KLHL2: variants seen among roughly 807,000 people sequenced by gnomAD.
KLHL2 encodes the protein kelch-like protein 2.
KLHL2 carries 15 observed loss-of-function variants against 75.8 expected under a neutral mutation model. That is an observed-to-expected ratio of 0.20 (90% CI 0.13 to 0.30). The LOEUF is 0.30. Among genes scored for constraint, KLHL2 ranks in the 10% least tolerant of loss-of-function variants. The pLI, the probability that KLHL2 is intolerant of heterozygous loss-of-function variation, is 1.00. For synonymous variants in KLHL2, 214 were observed against 251.9 expected (o/e 0.85, Z 1.42); for missense variants, 381 against 741.0 (o/e 0.51, Z 5.64).
chr4:165,274,014 A>G (rs1742884579), intron 5 of KLHL2, among the ~76,000 whole-genome samples: 1 of 152,234 alleles, frequency 6.6e-6, no homozygotes, highest in Admixed American at 6.5e-5. Flanking sequence ...ATAGCTTGTG[A>G]AGAACTCCAA....
intron 9 of KLHL2, among the ~76,000 whole-genome samples, chr4:165,309,604 G>C (rs927049742): frequency 2.6e-5 from 4 of 152,184 alleles, no homozygotes; most frequent in African/African-American, 4.8e-5. Flanking sequence ...GTAAATGAAT[G>C]AGTGTGGCAG....
intron 2 of KLHL2, among the ~76,000 whole-genome samples, chr4:165,225,523 TA>T (rs1180388147): frequency 9.2e-5 from 14 of 152,202 alleles, no homozygotes; most frequent in Non-Finnish European, 1.9e-4. Context: ...AGATTTCAAG[TA>T]ATAGGAACAT....
At chr4:165,309,220 C>CATAGATGTATTGAAGTACAAAT (rs1166140292) in intron 9 of KLHL2, among the ~76,000 whole-genome samples, 1 of 152,136 alleles carries the variant, frequency 6.6e-6, no homozygotes, top group Admixed American at 6.5e-5. Context: ...CTGAAGTACA[C>CATAGATGTATTGAAGTACAAAT]AACATAGATG....
At chr4:165,300,741 G>T (rs1417681015) in intron 8 of KLHL2, among the ~76,000 whole-genome samples, 1 of 152,086 alleles carries the variant, frequency 6.6e-6, no homozygotes, top group African/African-American at 2.4e-5. Context: ...CTTTATTTAT[G>T]TATTTATTTT....
chr4:165,254,555 G>A (rs1173420712), intron 4 of KLHL2, among the ~76,000 whole-genome samples: 8 of 152,162 alleles, frequency 5.3e-5, no homozygotes, highest in Non-Finnish European at 1.2e-4. Flanking sequence ...TTCTAAGACA[G>A]TTGATTAGTT....
intron 3 of KLHL2, among the ~76,000 whole-genome samples, chr4:165,229,433 C>T (rs1182795919): frequency 1.3e-5 from 2 of 152,000 alleles, no homozygotes; most frequent in Non-Finnish European, 2.9e-5. Flanking sequence ...CACTTGAATC[C>T]CTTACTCTCA....
chr4:165,281,047 T>C (rs905826094), intron 5 of KLHL2, among the ~76,000 whole-genome samples: 1 of 152,222 alleles, frequency 6.6e-6, no homozygotes, highest in African/African-American at 2.4e-5. Context: ...TGCTTGTGGA[T>C]CTCAGAGACT....
chr4:165,231,977 G>A (rs56410965), intron 3 of KLHL2, among the ~76,000 whole-genome samples: 30,905 of 152,012 alleles, frequency 0.2, 3,815 homozygotes, highest in Non-Finnish European at 0.29. Context: ...GCATAGTATT[G>A]TAGTTTTAAT....
intron 9 of KLHL2, 149 bp downstream of exon 9, chr4:165,305,874 A>G: frequency 1.6e-6 from 1 of 613,896 alleles, no homozygotes; most frequent in South Asian, 2.0e-5. Context: ...GGGGCCTCAT[A>G]TGCCTCTCAA....
chr4:165,266,689 T>G (rs1742269361), intron 5 of KLHL2, among the ~76,000 whole-genome samples: 1 of 152,250 alleles, frequency 6.6e-6, no homozygotes, highest in South Asian at 2.1e-4. Context: ...ATCTCTGTTT[T>G]GGTACCAGTA....
At chr4:165,281,845 A>G (rs1743719592) in intron 5 of KLHL2, among the ~76,000 whole-genome samples, 1 of 152,238 alleles carries the variant, frequency 6.6e-6, no homozygotes, top group Admixed American at 6.5e-5. Context: ...TAACGTATAT[A>G]GCATATTGAT....
intron 5 of KLHL2, among the ~76,000 whole-genome samples, chr4:165,264,369 C>T (rs1741973199): frequency 6.6e-6 from 1 of 151,550 alleles, no homozygotes; most frequent in Non-Finnish European, 1.5e-5. Flanking sequence ...CATCACCATC[C>T]TCTCAACCTC....
intron 7 of KLHL2, 26 bp downstream of exon 7, chr4:165,297,751 A>T: frequency 7.6e-7 from 1 of 1,320,314 alleles, no homozygotes; most frequent in Non-Finnish European, 1.1e-6. Context: ...AAACATATGA[A>T]TCCACACAGC....
At position 165,313,304 on chromosome 4, in the gene KLHL2, A is replaced by G; in HGVS notation, c.1406A>G (p.Tyr469Cys). Residue 469 changes from tyrosine (Y) to cysteine (C), a missense_variant, in exon 12 of 15, where the codon TAT (tyrosine) becomes TGT (cysteine). By Grantham distance (194) the Tyr-to-Cys change is radical. Transcript: ENST00000226725. ...SRQCLSTVEC[Y>C]NATTNEWTYI... ...CAGTGTCTTAGCACAGTAGAATGCT[A>G]TAATGCTACAACAAATGAGTGGACC... 1 of 1,596,326 alleles carries G rather than the reference A, an allele frequency of 6.3e-7. No homozygotes were observed.
At chr4:165,285,449 T>G (rs1744017273) in intron 5 of KLHL2, among the ~76,000 whole-genome samples, 1 of 152,162 alleles carries the variant, frequency 6.6e-6, no homozygotes, top group Non-Finnish European at 1.5e-5. Flanking sequence ...TCTTGTTCCC[T>G]AGGCTAGAGT....
At chr4:165,232,206 G>A (rs1349875986) in intron 3 of KLHL2, among the ~76,000 whole-genome samples, 1 of 151,640 alleles carries the variant, frequency 6.6e-6, no homozygotes, top group Non-Finnish European at 1.5e-5. Flanking sequence ...GGTGGATCAC[G>A]AGGTCAGGAG....
In KLHL2 at chr4:165,210,011, C is replaced by T. The variant is rs146651821; in HGVS notation, c.26+2109C>T. On this transcript the variant is annotated intron_variant, in intron 1 of 14. Transcript: ENST00000226725. The stretch of plus-strand genomic sequence containing the variant: ...CAGTGTCTTTAGGAAGGAACTTTAC[C>T]GGGCCTCACTGCCAGAGCTGGGCTA... 1,341 of 1,515,050 alleles carry T rather than the reference C, an allele frequency of 8.9e-4. 7 individuals carry two copies. The African/African-American group carries it at 0.011, about 13-fold the overall frequency. 93.9% of individuals were successfully genotyped at this position (1,515,050 alleles called of 1,614,324 possible). A position where few individuals can be genotyped will look rare whatever the true frequency, so the allele number is the denominator to read the frequency against.
At chr4:165,283,503 G>T (rs759622250) in intron 5 of KLHL2, among the ~76,000 whole-genome samples, 33 of 152,238 alleles carry the variant, frequency 2.2e-4, no homozygotes, top group Non-Finnish European at 4.1e-4. Flanking sequence ...AAATCTTAAA[G>T]CTCCAGAATG....
intron 5 of KLHL2, among the ~76,000 whole-genome samples, chr4:165,293,230 T>G (rs1373270215): frequency 6.6e-6 from 1 of 152,142 alleles, no homozygotes; most frequent in African/African-American, 2.4e-5. Flanking sequence ...TTTTCCCCCC[T>G]TGGATGGAGG....
Sources: allele counts gnomAD v4.1 joint callset (sites outside exome capture counted in the v4.1 genomes callset), GRCh38; gene constraint gnomAD v4.1.1; transcripts MANE v1.5; gene names NCBI Gene and HGNC (gene_info 2026-07-23, HGNC 2026-07-21).